Variants in SOX13 observed in about 807,000 individuals in gnomAD.
SOX13 encodes the protein SRY-box transcription factor 13.
Under a neutral mutation model 71.8 loss-of-function variants are expected in SOX13, and 28 were observed. The ratio of observed to expected loss-of-function variants is 0.39; its 90% CI spans 0.29 to 0.53. The LOEUF is 0.53. Ranked by LOEUF, SOX13 falls within the 20% of genes least tolerant of loss-of-function variation. The probability of loss-of-function intolerance (pLI) is 0.70; values close to 1 mark genes in which losing one functional copy is unlikely to be tolerated. For synonymous variants in SOX13, 309 were observed against 317.8 expected (o/e 0.97, Z 0.29); for missense variants, 627 against 810.3 (o/e 0.77, Z 2.75).
chr1:204,116,210 A>G (rs1300229421), intron 4 of SOX13: 3 of 1,370,408 alleles, frequency 2.2e-6, no homozygotes, highest in Non-Finnish European at 2.9e-6. Context: ...TGAGCACTCG[A>G]GGACATTGAA....
At chr1:204,095,553 C>A (rs780103902) in intron 1 of SOX13, among the ~76,000 whole-genome samples, 6 of 152,006 alleles carry the variant, frequency 3.9e-5, no homozygotes, top group Non-Finnish European at 5.9e-5. Flanking sequence ...GTTGTCCCCT[C>A]ACCAGTCAGT....
At chr1:204,125,742 T>C in intron 13 of SOX13, 116 bp from the exon 14 acceptor site, 2 of 1,188,900 alleles carry the variant, frequency 1.7e-6, no homozygotes, top group African/African-American at 1.5e-5. Context: ...GGTATATAAG[T>C]CACAGCCAAG....
At chr1:204,079,294 C>CA (rs998934366) in intron 1 of SOX13, among the ~76,000 whole-genome samples, 14 of 147,970 alleles carry the variant, frequency 9.5e-5, no homozygotes, top group African/African-American at 2.7e-4. Context: ...AACAAACAAA[C>CA]AAAAAAAAGA....
intron 1 of SOX13, among the ~76,000 whole-genome samples, chr1:204,108,644 T>G (rs778658537): frequency 3.9e-5 from 6 of 152,178 alleles, no homozygotes; most frequent in Non-Finnish European, 7.3e-5. Flanking sequence ...AGGACCCAAG[T>G]CCGGAGTGAG....
intron 1 of SOX13, among the ~76,000 whole-genome samples, chr1:204,095,739 T>C (rs900659614): frequency 1.3e-5 from 2 of 152,202 alleles, no homozygotes; most frequent in Non-Finnish European, 2.9e-5. Flanking sequence ...TCCATTCACA[T>C]TGTTTTGCAA....
intron 1 of SOX13, among the ~76,000 whole-genome samples, chr1:204,094,474 T>C (rs1656210071): frequency 6.6e-6 from 1 of 152,146 alleles, no homozygotes. Context: ...AGTGACCCCA[T>C]TGTTGACCCC....
In SOX13 at chr1:204,123,236, G is replaced by A. The variant is rs116177493; in HGVS notation, c.1231+28G>A. 4.0e-4 allele frequency: 622 copies of A among 1,554,018 alleles called. 5 individuals are homozygous for A. In the African/African-American group the frequency reaches 6.8e-3, roughly 17 times the overall value. ...GAGGGCTCAGGCGCAGGGCTGATGCGCAGGAGGGCCCAACTCTGTATTCCA... is the reference window on the plus strand; with the variant it reads ...GAGGGCTCAGGCGCAGGGCTGATGCACAGGAGGGCCCAACTCTGTATTCCA... On this transcript the variant is annotated intron_variant, in intron 11 of 13. Transcript: ENST00000367204. The surrounding 1 kb of genome is among the most constrained non-coding windows in gnomAD (Gnocchi z 5.0).
At position 204,126,059 on chromosome 1, in the gene SOX13, G is replaced by A. The variant is rs1209110858; in HGVS notation, c.1794G>A (p.Met598Ile). 1 of 1,614,014 alleles carries A rather than the reference G, an allele frequency of 6.2e-7. No homozygotes were observed. Among genetic ancestry groups the A allele is most frequent in the East Asian group, 2.2e-5 (1 of 44,882 alleles). The stretch of plus-strand genomic sequence containing the variant: ...GGCACTCGGTGGCTGATGGCGAGAT[G>A]TACCGGTACAGCGAGGACGAGGACT... ...DDRHSVADGE[M>I]YRYSEDEDSE... Residue 598 changes from methionine to isoleucine, a missense_variant, in exon 14 of 14, where the codon ATG becomes ATA. This residue lies in a region of SOX13 where 148 missense variants were observed against 192.7 expected (regional missense o/e 0.77). Coordinates refer to ENST00000367204, the MANE Select transcript of SOX13 (RefSeq NM_005686.3).
At chr1:204,099,365 A>T in intron 1 of SOX13, among the ~76,000 whole-genome samples, 1 of 143,704 alleles carries the variant, frequency 7.0e-6, no homozygotes, top group East Asian at 2.3e-4. Flanking sequence ...TGAGAGGTGG[A>T]TTCTGATGCT....
intron 1 of SOX13, among the ~76,000 whole-genome samples, chr1:204,104,775 T>C (rs917441447): frequency 2.6e-5 from 4 of 152,132 alleles, no homozygotes; most frequent in Non-Finnish European, 5.9e-5. Flanking sequence ...TACCCCAGGG[T>C]CTGAGTCACC....
intron 1 of SOX13, among the ~76,000 whole-genome samples, chr1:204,091,582 G>A (rs1027806192): frequency 6.6e-6 from 1 of 152,152 alleles, no homozygotes; most frequent in Non-Finnish European, 1.5e-5. Flanking sequence ...TTCATTGTGG[G>A]AACAAAGCCT....
At chr1:204,107,926 G>T (rs939995483) in intron 1 of SOX13, among the ~76,000 whole-genome samples, 1 of 152,182 alleles carries the variant, frequency 6.6e-6, no homozygotes, top group African/African-American at 2.4e-5. Context: ...AGCTGGCTTG[G>T]CTGGTCACCA....
At chr1:204,120,791 G>A (rs1214188699) in intron 7 of SOX13, among the ~76,000 whole-genome samples, 1 of 152,144 alleles carries the variant, frequency 6.6e-6, no homozygotes, top group African/African-American at 2.4e-5. Context: ...TTCTACATGT[G>A]GCCTATCTCT....
At chr1:204,122,674 TA>T in intron 9 of SOX13, 179 bp from the exon 10 acceptor site, 1 of 607,346 alleles carries the variant, frequency 1.6e-6, no homozygotes, top group Non-Finnish European at 3.0e-6. Flanking sequence ...CTAGCCAGTG[TA>T]AGTGGCATAT....
chr1:204,090,056 G>C (rs1380445641), intron 1 of SOX13, among the ~76,000 whole-genome samples: 5 of 152,188 alleles, frequency 3.3e-5, no homozygotes, highest in East Asian at 1.9e-4. Flanking sequence ...CCTCTGGTGG[G>C]AGCCCAGGCT....
rs868709759 is a variant in SOX13, at chr1:204,113,918, T to A, written c.220-403T>A. 5.3e-5 allele frequency among the ~76,000 whole-genome samples: 8 copies of A among 152,306 alleles called. No homozygotes were observed. In the Middle Eastern group the frequency reaches 0.01, roughly 194 times the overall value. On this transcript the variant is annotated intron_variant, in intron 2 of 13. Coordinates refer to ENST00000367204, the MANE Select transcript of SOX13 (RefSeq NM_005686.3). ...GTAGTGGGTATGTTCAAGGGAGTGATAACTAATAGCTGACTTTTGGCCCCT... is the reference window on the plus strand; with the variant it reads ...GTAGTGGGTATGTTCAAGGGAGTGAAAACTAATAGCTGACTTTTGGCCCCT...
chr1:204,088,137 G>A (rs2102228840), intron 1 of SOX13, among the ~76,000 whole-genome samples: 1 of 152,310 alleles, frequency 6.6e-6, no homozygotes, highest in East Asian at 1.9e-4. Flanking sequence ...ACTGGATCTG[G>A]AAGGATGTGT....
At chr1:204,112,152 A>T (rs1038524110) in intron 1 of SOX13, among the ~76,000 whole-genome samples, 10 of 152,352 alleles carry the variant, frequency 6.6e-5, no homozygotes, top group East Asian at 5.8e-4. Context: ...ATAAAAATGC[A>T]TTTGTAGGCT....
At chr1:204,099,820 T>C (rs1303534457) in intron 1 of SOX13, among the ~76,000 whole-genome samples, 2 of 152,348 alleles carry the variant, frequency 1.3e-5, no homozygotes, top group Non-Finnish European at 2.9e-5. Context: ...ATTCGAACAG[T>C]GCTTGGCACA....
Sources: gnomAD v4.1 joint callset for allele counts (sites outside exome capture counted in the v4.1 genomes callset) on GRCh38, gnomAD v4.1.1 for gene constraint, gnomAD v4.1.1 regional missense constraint, Gnocchi (gnomAD v3.1) non-coding constraint, MANE v1.5 for transcripts, NCBI Gene and HGNC (gene_info 2026-07-23, HGNC 2026-07-21) for gene names.